Variants in APLF observed in about 807,000 individuals in gnomAD.
APLF encodes the protein aprataxin and PNKP like factor, also known as aprataxin and PNK-like factor.
A neutral mutation model predicts 55.6 loss-of-function variants in APLF; 61 were observed. The observed-to-expected ratio is 1.10, with a 90% CI of 0.89 to 1.36. APLF has a LOEUF of 1.36. Ranked by LOEUF, APLF falls within the 40% of genes most tolerant of loss-of-function variation. The pLI is 0.00. For synonymous variants in APLF, 207 were observed against 214.8 expected (o/e 0.96, Z 0.32); for missense variants, 611 against 602.5 (o/e 1.01, Z -0.15).
At chr2:68,493,251 GC>G (rs1676425713) in intron 2 of APLF, among the ~76,000 whole-genome samples, 1 of 152,094 alleles carries the variant, frequency 6.6e-6, no homozygotes, top group Non-Finnish European at 1.5e-5. Context: ...ATTTGACTGG[GC>G]CAGGGCTAGC....
chr2:68,518,477 TACA>T (rs1669735484), intron 5 of APLF, among the ~76,000 whole-genome samples: 1 of 114,044 alleles, frequency 8.8e-6, no homozygotes, highest in African/African-American at 3.7e-5. Context: ...ATATTAATAA[TACA>T]TAATAACATT....
At chr2:68,576,318 A>G (rs1671620317) in intron 9 of APLF, among the ~76,000 whole-genome samples, 1 of 152,120 alleles carries the variant, frequency 6.6e-6, no homozygotes, top group African/African-American at 2.4e-5. Context: ...GCATTTTATT[A>G]TTTTAAAAAT....
intron 1 of APLF, among the ~76,000 whole-genome samples, chr2:68,476,829 G>A (rs1675791643): frequency 6.6e-6 from 1 of 152,058 alleles, no homozygotes; most frequent in African/African-American, 2.4e-5. Flanking sequence ...TAGAAGTGAT[G>A]GTTGCACAAT....
intron 5 of APLF, among the ~76,000 whole-genome samples, chr2:68,518,825 A>C (rs1449555223): frequency 2.4e-5 from 3 of 126,330 alleles, no homozygotes; most frequent in South Asian, 4.6e-4. Flanking sequence ...AATATTAGTA[A>C]TATATCATTA....
rs1272913131 is a variant in APLF, at chr2:68,578,702, A to G, written c.*680A>G. 1.0e-6 allele frequency: 1 copy of G among 985,220 alleles called. No homozygotes were observed. Among genetic ancestry groups the G allele is most frequent in the Non-Finnish European group, 1.2e-6 (1 of 829,860 alleles). 61.0% of individuals were successfully genotyped at this position (985,220 alleles called of 1,614,324 possible). A position where few individuals can be genotyped will look rare whatever the true frequency, so the allele number is the denominator to read the frequency against. On this transcript the variant is annotated 3_prime_UTR_variant, in exon 10 of 10. Transcript: ENST00000303795. ...AATTTAAAAGTAAAAAAACTCAAAA[A>G]ACTTGACCTTTTTTTTCAAACTAAA... is the stretch of plus-strand genomic sequence containing the variant.
intron 9 of APLF, among the ~76,000 whole-genome samples, chr2:68,570,409 A>G (rs1477418706): frequency 1.3e-5 from 2 of 151,840 alleles, no homozygotes; most frequent in Non-Finnish European, 2.9e-5. Context: ...CATCATTTAC[A>G]TTAGGTATAT....
rs1402494593 is a variant in APLF, at chr2:68,513,529, T to G, written c.490-19T>G. On this transcript the variant is annotated intron_variant, in intron 4 of 9. Coordinates refer to ENST00000303795, the MANE Select transcript of APLF (RefSeq NM_173545.3). ...CAAGATGTGTGATTATTTTTAGTAA[T>G]TTATAGGTGTCTTTTTAGTCTTTCC... 1.9e-6 allele frequency: 3 copies of G among 1,607,462 alleles called. No homozygotes were observed. The South Asian group carries it at 3.3e-5, about 18-fold the overall frequency.
At chr2:68,518,275 A>G (rs1485111980) in intron 5 of APLF, among the ~76,000 whole-genome samples, 1 of 116,632 alleles carries the variant, frequency 8.6e-6, no homozygotes, top group Non-Finnish European at 1.6e-5. Flanking sequence ...ATAATATATC[A>G]GTATATAATA....
chr2:68,547,956 C>T (rs962051282), intron 8 of APLF, among the ~76,000 whole-genome samples: 1 of 151,674 alleles, frequency 6.6e-6, no homozygotes, highest in African/African-American at 2.4e-5. Flanking sequence ...TTCAAGAAAT[C>T]TTTGTTGAAT....
Position 68,490,277 on chromosome 2 carries a change from A to G in APLF, c.168+16A>G, listed in dbSNP as rs1167676845. 21 of 1,604,524 alleles carry G rather than the reference A, an allele frequency of 1.3e-5. No homozygotes were observed. The highest frequency in any genetic ancestry group is 1.7e-5 in the Non-Finnish European group (20 of 1,175,938). On this transcript the variant is annotated intron_variant, in intron 2 of 9. Transcript: ENST00000303795. ...AATCAAACCGGTAAATATGTTATTA[A>G]TGATTCATTTTAACTTTCATCTCTT...
intron 9 of APLF, among the ~76,000 whole-genome samples, chr2:68,575,890 G>T (rs1487525550): frequency 1.3e-5 from 2 of 152,090 alleles, no homozygotes; most frequent in Non-Finnish European, 2.9e-5. Flanking sequence ...AGGGCAGTAG[G>T]TCAGGGCTTA....
chr2:68,480,380 C>G (rs1675917041), intron 1 of APLF, among the ~76,000 whole-genome samples: 1 of 151,630 alleles, frequency 6.6e-6, no homozygotes, highest in African/African-American at 2.4e-5. Flanking sequence ...TCTCGGCTCA[C>G]TGCAACCTCC....
chr2:68,544,496 A>G (rs1275230178), intron 7 of APLF, among the ~76,000 whole-genome samples: 6 of 152,310 alleles, frequency 3.9e-5, no homozygotes, highest in Admixed American at 2.6e-4. Context: ...TTTTCTTGGA[A>G]GTTAATAATT....
At chr2:68,494,791 A>G (rs1676488609) in intron 2 of APLF, among the ~76,000 whole-genome samples, 1 of 152,102 alleles carries the variant, frequency 6.6e-6, no homozygotes, top group Non-Finnish European at 1.5e-5. Context: ...GCTGAGGATA[A>G]TGGCTTCCAA....
chr2:68,520,587 T>C (rs1279054892), intron 5 of APLF, among the ~76,000 whole-genome samples: 2 of 152,018 alleles, frequency 1.3e-5, no homozygotes, highest in South Asian at 2.1e-4. Context: ...TTCCCTACTT[T>C]ATATTTCTGT....
chr2:68,546,287 C>T (rs1034022079), intron 8 of APLF, among the ~76,000 whole-genome samples: 1 of 151,906 alleles, frequency 6.6e-6, no homozygotes, highest in Non-Finnish European at 1.5e-5. Context: ...TAAAGCTTTC[C>T]ACAAAGAAGT....
At chr2:68,491,340 G>A (rs909872126) in intron 2 of APLF, among the ~76,000 whole-genome samples, 2 of 152,196 alleles carry the variant, frequency 1.3e-5, no homozygotes, top group African/African-American at 2.4e-5. Context: ...GCCCTTGAGT[G>A]TAGGAACTCT....
intron 7 of APLF, among the ~76,000 whole-genome samples, chr2:68,541,948 A>G (rs922846226): frequency 3.3e-5 from 5 of 152,204 alleles, no homozygotes; most frequent in Non-Finnish European, 5.9e-5. Flanking sequence ...AGACATATAG[A>G]CAAATGGAAT....
chr2:68,516,251 C>G (rs1669575392), intron 5 of APLF, among the ~76,000 whole-genome samples: 1 of 151,616 alleles, frequency 6.6e-6, no homozygotes, highest in Non-Finnish European at 1.5e-5. Context: ...CACTGTATAG[C>G]TGCCTAAATT....
Sources: allele counts gnomAD v4.1 joint callset (sites outside exome capture counted in the v4.1 genomes callset), GRCh38; gene constraint gnomAD v4.1.1; transcripts MANE v1.5; gene names NCBI Gene and HGNC (gene_info 2026-07-23, HGNC 2026-07-21).